Variants in RPS6KA2 observed in about 807,000 individuals in gnomAD.
RPS6KA2 encodes the protein ribosomal protein S6 kinase alpha-2.
Under a neutral mutation model 91.8 loss-of-function variants are expected in RPS6KA2, and 42 were observed. That is an observed-to-expected ratio of 0.46 (90% CI 0.36 to 0.59). The LOEUF is 0.59. RPS6KA2 is among the 20% of genes least tolerant of loss of function. The pLI is 0.00. For missense variants in RPS6KA2, 798 were observed against 978.5 expected (o/e 0.82, Z 2.46); for synonymous variants, 414 against 393.6 (o/e 1.05, Z -0.61).
chr6:166,467,291 G>A (rs545000831), intron 11 of RPS6KA2, among the ~76,000 whole-genome samples: 2 of 152,292 alleles, frequency 1.3e-5, no homozygotes, highest in Non-Finnish European at 1.5e-5. Flanking sequence ...CCTCCTTTGA[G>A]CCAGGCCCTG....
chr6:166,685,246 G>A (rs1320208375), intron 2 of RPS6KA2, among the ~76,000 whole-genome samples: 1 of 149,932 alleles, frequency 6.7e-6, no homozygotes, highest in East Asian at 2.0e-4. Context: ...TGGGAGGACA[G>A]AGGCCGAGGA....
Position 166,430,573 on chromosome 6 carries a change from C to T in RPS6KA2, c.1461G>A (p.Glu487=), listed in dbSNP as rs1434233444. ...DDGKFVYLVM[E]LMRGGELLDR... ...CCAGGAGCTCCCCACCACGCATCAGCTCCATTACCAGGTACACAAACTTGC... is the reference window on the plus strand; with the variant it reads ...CCAGGAGCTCCCCACCACGCATCAGTTCCATTACCAGGTACACAAACTTGC... The change falls in exon 16 of 21, where the codon GAG becomes GAA. Residue 487 remains glutamate, a synonymous_variant. Transcript: ENST00000265678. 3 of 1,613,972 alleles carry T rather than the reference C, an allele frequency of 1.9e-6. No individual in the cohort carries two copies. The highest frequency in any genetic ancestry group is 2.5e-6 in the Non-Finnish European group (3 of 1,179,968).
rs142402801 is a variant in RPS6KA2 at position 166,737,138 on chromosome 6, T to TC, written c.123+121061dup. Among the ~76,000 whole-genome samples, 3,415 of 152,330 alleles carry TC rather than the reference T, an allele frequency of 0.022. 92 individuals carry two copies. Among genetic ancestry groups the TC allele is most frequent in the East Asian group, 0.1 (529 of 5,180 alleles). On this transcript the variant is annotated intron_variant, in intron 2 of 21. Transcript: ENST00000503859. The surrounding 1 kb of genome is among the most constrained non-coding windows in gnomAD (Gnocchi z 4.3). ...CAAACGAGGTCCTTGATTTTCAATT[T>TC]CCTGCAATCCTGGCTAAGAGACACA...
At chr6:166,488,472 A>C (rs1781485127) in intron 10 of RPS6KA2, among the ~76,000 whole-genome samples, 1 of 152,238 alleles carries the variant, frequency 6.6e-6, no homozygotes, top group Non-Finnish European at 1.5e-5. Flanking sequence ...AGGTTTCTCA[A>C]TTTAGGGAGA....
chr6:166,743,936 C>A (rs146190779), intron 2 of RPS6KA2, among the ~76,000 whole-genome samples: 77 of 152,296 alleles, frequency 5.1e-4, no homozygotes, highest in African/African-American at 1.7e-3. Context: ...CAGAGTGAGA[C>A]AATGAGAGGT....
rs1786223449 is a variant in RPS6KA2, at chr6:166,612,555, C to T, written c.99+14366G>A. Among the ~76,000 whole-genome samples, 1 of 152,182 alleles carries T rather than the reference C, an allele frequency of 6.6e-6. No individual in the cohort carries two copies. The highest frequency in any genetic ancestry group is 1.5e-5 in the Non-Finnish European group (1 of 68,022). The stretch of plus-strand genomic sequence containing the variant: ...GCGAGGAAAGGAGAAATGATGAGCT[C>T]TGAGCTGGGGCCTTGCTGCCCGACT... On this transcript the variant is annotated intron_variant, in intron 1 of 20. Coordinates refer to ENST00000265678, the MANE Select transcript of RPS6KA2 (RefSeq NM_021135.6). The surrounding 1 kb of genome is among the most constrained non-coding windows in gnomAD (Gnocchi z 4.3).
intron 2 of RPS6KA2, among the ~76,000 whole-genome samples, chr6:166,676,891 T>G (rs1183043481): frequency 6.6e-6 from 1 of 152,236 alleles, no homozygotes; most frequent in Non-Finnish European, 1.5e-5. Context: ...TTGTCCTTCT[T>G]GTTTTGACTG....
At chr6:166,731,324 T>C (rs546077378) in intron 2 of RPS6KA2, among the ~76,000 whole-genome samples, 32 of 152,322 alleles carry the variant, frequency 2.1e-4, no homozygotes, top group Middle Eastern at 6.8e-3. Flanking sequence ...CCTACATTTA[T>C]TCCTTGCAAC....
intron 14 of RPS6KA2, among the ~76,000 whole-genome samples, chr6:166,441,823 C>T (rs371114652): frequency 2.1e-4 from 32 of 152,230 alleles, no homozygotes; most frequent in African/African-American, 7.5e-4. Flanking sequence ...TCTACATGAA[C>T]GCAGACCATC....
intron 2 of RPS6KA2, among the ~76,000 whole-genome samples, chr6:166,717,553 C>A (rs1790046850): frequency 6.6e-6 from 1 of 152,190 alleles, no homozygotes; most frequent in South Asian, 2.1e-4. Flanking sequence ...CAGGGAAGAG[C>A]TCAGCAGACC....
intron 1 of RPS6KA2, among the ~76,000 whole-genome samples, chr6:166,558,680 C>G (rs1443170769): frequency 6.6e-6 from 1 of 152,086 alleles, no homozygotes; most frequent in Non-Finnish European, 1.5e-5. Context: ...TGTTGGTGGC[C>G]CCATGCTGTT....
chr6:166,505,203 G>T (rs1782157072), intron 5 of RPS6KA2, among the ~76,000 whole-genome samples: 1 of 152,128 alleles, frequency 6.6e-6, no homozygotes, highest in Non-Finnish European at 1.5e-5. Context: ...GGGCGGGATG[G>T]GGAGGGGTTT....
At chr6:166,851,567 T>C (rs1053789218) in intron 2 of RPS6KA2, among the ~76,000 whole-genome samples, 2 of 152,182 alleles carry the variant, frequency 1.3e-5, no homozygotes, top group African/African-American at 4.8e-5. Flanking sequence ...CCTGGAGCCA[T>C]GCGTGAGGAG....
intron 2 of RPS6KA2, among the ~76,000 whole-genome samples, chr6:166,817,207 C>A (rs997584742): frequency 6.6e-6 from 1 of 152,192 alleles, no homozygotes; most frequent in Admixed American, 6.5e-5. Flanking sequence ...GCTGCTCCCC[C>A]CTTAGCACCA....
intron 2 of RPS6KA2, among the ~76,000 whole-genome samples, chr6:166,854,179 C>T (rs117547647): frequency 6.6e-6 from 1 of 152,272 alleles, no homozygotes; most frequent in East Asian, 1.9e-4. Context: ...GGGAGGAGGC[C>T]GTTCCCTCAG....
intron 10 of RPS6KA2, among the ~76,000 whole-genome samples, chr6:166,470,376 T>C (rs1394340745): frequency 6.6e-6 from 1 of 152,202 alleles, no homozygotes; most frequent in African/African-American, 2.4e-5. Flanking sequence ...TTGACAGGAC[T>C]GAGTCCCGGA....
At chr6:166,773,943 C>T (rs1407228063) in intron 2 of RPS6KA2, among the ~76,000 whole-genome samples, 1 of 152,160 alleles carries the variant, frequency 6.6e-6, no homozygotes, top group Non-Finnish European at 1.5e-5. Context: ...TGGACGTGGT[C>T]AGACAAATAT....
At position 166,603,459 on chromosome 6, in the gene RPS6KA2, T is replaced by C. The variant is rs3799585; in HGVS notation, c.99+23462A>G. 0.68 allele frequency among the ~76,000 whole-genome samples: 104,078 copies of C among 152,042 alleles called. 36,747 individuals are homozygous for C. The highest frequency in any genetic ancestry group is 0.97 in the East Asian group (5,027 of 5,174). On this transcript the variant is annotated intron_variant, in intron 1 of 20. Transcript: ENST00000265678. This position sits in a 1 kb window ranked among gnomAD's most constrained non-coding sequence, Gnocchi z 4.3. ...CAGCCACACGGGAGATGGTGTGGGA[T>C]GTGGGATCTGAAAGGCTTCATTTGG...
intron 2 of RPS6KA2, chr6:166,701,543 G>C (rs1789520892): frequency 6.9e-7 from 1 of 1,445,014 alleles, no homozygotes; most frequent in Admixed American, 1.7e-5. Context: ...CGAGAAAGCT[G>C]CTTGATGTGC....
Sources: gnomAD v4.1 joint callset for allele counts (sites outside exome capture counted in the v4.1 genomes callset) on GRCh38, gnomAD v4.1.1 for gene constraint, Gnocchi (gnomAD v3.1) non-coding constraint, MANE v1.5 for transcripts, NCBI Gene and HGNC (gene_info 2026-07-23, HGNC 2026-07-21) for gene names.